Variants in SMYD3 observed in about 807,000 individuals in gnomAD.
SMYD3 encodes histone-lysine N-methyltransferase SMYD3.
In SMYD3, 36 loss-of-function variants were observed where a neutral mutation model predicts 57.7. The ratio of observed to expected loss-of-function variants is 0.62; its 90% CI spans 0.48 to 0.82. SMYD3 has a LOEUF of 0.82. Among genes scored for constraint, SMYD3 ranks in the 40% least tolerant of loss-of-function variants. The probability of loss-of-function intolerance (pLI) is 0.00; values close to 1 mark genes in which losing one functional copy is unlikely to be tolerated. For missense variants in SMYD3, 515 were observed against 538.8 expected, an observed-to-expected ratio of 0.96 and a Z score of 0.44; for synonymous variants, 211 against 195.0, an observed-to-expected ratio of 1.08 and a Z score of -0.68.
chr1:246,444,761 A>C (rs1202364714), intron 1 of SMYD3, among the ~76,000 whole-genome samples: 1 of 152,238 alleles, frequency 6.6e-6, no homozygotes, highest in Non-Finnish European at 1.5e-5. Context: ...TCTAAAAAAC[A>C]GCTCCAGAGT....
At chr1:245,906,035 A>AACT (rs1276559634) in intron 8 of SMYD3, among the ~76,000 whole-genome samples, 3 of 152,232 alleles carry the variant, frequency 2.0e-5, no homozygotes, top group Non-Finnish European at 4.4e-5. Context: ...CAAACTATAA[A>AACT]ACTACTACAA....
intron 5 of SMYD3, among the ~76,000 whole-genome samples, chr1:246,235,239 A>C (rs1311987782): frequency 6.6e-6 from 1 of 152,200 alleles, no homozygotes; most frequent in East Asian, 1.9e-4. Context: ...AAGTGTCATA[A>C]ATCCTACATT....
intron 5 of SMYD3, among the ~76,000 whole-genome samples, chr1:245,946,103 T>C (rs10924398): frequency 6.6e-6 from 1 of 152,102 alleles, no homozygotes; most frequent in Non-Finnish European, 1.5e-5. Flanking sequence ...GTCCTGTACA[T>C]GCACCCCCGC....
intron 3 of SMYD3, among the ~76,000 whole-genome samples, chr1:246,331,972 G>A (rs1046711476): frequency 2.5e-5 from 1 of 39,826 alleles, no homozygotes; most frequent in African/African-American, 1.4e-4. Context: ...TCCGCCGACC[G>A]GCTTATTCCC....
chr1:245,842,002 C>CCACT (rs919868089), intron 10 of SMYD3, among the ~76,000 whole-genome samples: 2 of 152,160 alleles, frequency 1.3e-5, no homozygotes, highest in African/African-American at 4.8e-5. Context: ...CAAATACCTG[C>CCACT]CACTGTGTTA....
chr1:245,936,222 A>G lies in SMYD3; in HGVS notation c.532-6285T>C, dbSNP rs184734442. 4.6e-4 allele frequency among the ~76,000 whole-genome samples: 70 copies of G among 152,352 alleles called. 1 individual carries two copies. Among genetic ancestry groups the G allele is most frequent in the African/African-American group, 1.6e-3 (68 of 41,584 alleles). ...GATGTTGAAAAACAAGGGAAAATAC[A>G]TAAAATGATAATTCTATAAATTTGT... On this transcript the variant is annotated intron_variant, in intron 5 of 11. Transcript: ENST00000490107.
At chr1:246,235,761 T>C (rs1433903177) in intron 5 of SMYD3, among the ~76,000 whole-genome samples, 1 of 152,156 alleles carries the variant, frequency 6.6e-6, no homozygotes, top group Non-Finnish European at 1.5e-5. Context: ...TGGGGTCTTT[T>C]CAAGGGGTTC....
At chr1:246,165,788 T>C (rs566292743) in intron 5 of SMYD3, among the ~76,000 whole-genome samples, 63 of 152,280 alleles carry the variant, frequency 4.1e-4, no homozygotes, top group Non-Finnish European at 7.9e-4. Flanking sequence ...TATATAGATA[T>C]ATGAAATTTT....
At chr1:246,170,897 A>G (rs1002320866) in intron 5 of SMYD3, among the ~76,000 whole-genome samples, 8 of 152,240 alleles carry the variant, frequency 5.3e-5, no homozygotes, top group African/African-American at 1.7e-4. Flanking sequence ...ACCGCTAAAT[A>G]CTGTATTTTG....
chr1:246,425,437 G>A (rs566290496), intron 1 of SMYD3, among the ~76,000 whole-genome samples: 1 of 152,260 alleles, frequency 6.6e-6, no homozygotes, highest in East Asian at 1.9e-4. Context: ...TGTAACATAA[G>A]CTCAGCACTC....
intron 10 of SMYD3, among the ~76,000 whole-genome samples, chr1:245,827,983 A>C (rs1209294617): frequency 2.0e-5 from 3 of 152,256 alleles, no homozygotes; most frequent in African/African-American, 7.2e-5. Context: ...AGACACGAGG[A>C]AAGAAAGGTT....
intron 5 of SMYD3, among the ~76,000 whole-genome samples, chr1:246,292,421 A>G (rs1170815621): frequency 6.6e-6 from 1 of 152,092 alleles, no homozygotes; most frequent in Non-Finnish European, 1.5e-5. Context: ...ACTATCCAAC[A>G]CACCAGTACC....
chr1:245,863,202 G>C (rs1051868113), intron 9 of SMYD3, among the ~76,000 whole-genome samples: 1 of 152,116 alleles, frequency 6.6e-6, no homozygotes, highest in Non-Finnish European at 1.5e-5. Flanking sequence ...TCTCAGCCTT[G>C]GCCTATCCAA....
intron 10 of SMYD3, among the ~76,000 whole-genome samples, chr1:245,835,684 G>C (rs1266740956): frequency 6.6e-6 from 1 of 152,144 alleles, no homozygotes; most frequent in Non-Finnish European, 1.5e-5. Flanking sequence ...CCCAGTTTTA[G>C]GAAGGCCTCA....
intron 5 of SMYD3, among the ~76,000 whole-genome samples, chr1:246,293,950 C>T (rs567046409): frequency 2.7e-4 from 41 of 152,280 alleles, no homozygotes; most frequent in Non-Finnish European, 2.2e-4. Flanking sequence ...GACGTCTCTG[C>T]AGCACTTGAA....
intron 10 of SMYD3, among the ~76,000 whole-genome samples, chr1:245,777,466 T>G (rs1286522709): frequency 2.0e-5 from 3 of 152,202 alleles, no homozygotes. Context: ...ATGGTCTTCT[T>G]GCCTGAGGCT....
intron 10 of SMYD3, among the ~76,000 whole-genome samples, chr1:245,835,783 G>A (rs536864772): frequency 3.9e-5 from 6 of 152,314 alleles, no homozygotes; most frequent in South Asian, 4.1e-4. Context: ...AGGTATCAGC[G>A]CCCTGATGCA....
At chr1:245,896,389 C>CAAAAAAAAAAAAAAAAAAAAAAAAAAAAA (rs3052904) in intron 8 of SMYD3, among the ~76,000 whole-genome samples, 1 of 73,734 alleles carries the variant, frequency 1.4e-5, no homozygotes, top group African/African-American at 6.9e-5. Flanking sequence ...TTTGCCAAGT[C>CAAAAAAAAAAAAAAAAAAAAAAAAAAAAA]AAAAAAAAAA....
chr1:245,939,118 C>T (rs746880977), intron 5 of SMYD3, among the ~76,000 whole-genome samples: 11 of 147,836 alleles, frequency 7.4e-5, no homozygotes, highest in Non-Finnish European at 7.5e-5. Flanking sequence ...ACTCCAGCCT[C>T]GGCGACAGAG....
Sources: allele counts gnomAD v4.1 joint callset (sites outside exome capture counted in the v4.1 genomes callset), GRCh38; gene constraint gnomAD v4.1.1; transcripts MANE v1.5; gene names NCBI Gene and HGNC (gene_info 2026-07-23, HGNC 2026-07-21).